Variants in UBE3D observed in about 807,000 individuals in gnomAD.
The protein encoded by UBE3D is ubiquitin protein ligase E3D.
UBE3D carries 48 observed loss-of-function variants against 49.6 expected under a neutral mutation model. The ratio of observed to expected loss-of-function variants is 0.97; its 90% CI spans 0.77 to 1.23. The LOEUF (loss-of-function observed/expected upper bound fraction) is 1.23. UBE3D is among the 50% of genes most tolerant of loss of function. UBE3D has a pLI of 0.00. For synonymous variants in UBE3D, 189 were observed against 174.2 expected (o/e 1.08, Z -0.67); for missense variants, 452 against 468.4 (o/e 0.96, Z 0.32).
intron 9 of UBE3D, among the ~76,000 whole-genome samples, chr6:82,946,098 G>C (rs1775381303): frequency 6.6e-6 from 1 of 152,090 alleles, no homozygotes; most frequent in African/African-American, 2.4e-5. Context: ...TACATTCAAA[G>C]GGATAATAAC....
intron 1 of UBE3D, among the ~76,000 whole-genome samples, chr6:83,065,382 AAGTTT>A (rs1784425135): frequency 6.6e-6 from 1 of 152,176 alleles, no homozygotes; most frequent in Admixed American, 6.5e-5. Context: ...GTTAAAATAT[AAGTTT>A]TGATTCCATA....
intron 9 of UBE3D, among the ~76,000 whole-genome samples, chr6:82,953,866 G>C (rs1416086535): frequency 6.6e-6 from 1 of 152,224 alleles, no homozygotes; most frequent in Non-Finnish European, 1.5e-5. Context: ...AGGGGGGTCA[G>C]GTTGGGCCTC....
chr6:82,976,444 T>C (rs937458425), intron 8 of UBE3D, among the ~76,000 whole-genome samples: 1 of 152,182 alleles, frequency 6.6e-6, no homozygotes, highest in South Asian at 2.1e-4. Flanking sequence ...CAAGTGTACA[T>C]ACAATTTTCC....
At position 83,030,656 on chromosome 6, in the gene UBE3D, T is replaced by A. The variant is rs150276071; in HGVS notation, c.668-6618A>T. Among the ~76,000 whole-genome samples, 362 of 152,254 alleles carry A rather than the reference T, an allele frequency of 2.4e-3. 1 individual carries two copies. Among genetic ancestry groups the A allele is most frequent in the African/African-American group, 8.2e-3 (339 of 41,556 alleles). On this transcript the variant is annotated intron_variant, in intron 5 of 9. Coordinates refer to ENST00000369747, the MANE Select transcript of UBE3D (RefSeq NM_198920.3). ...GGATACTGGAAAATGTGGAAGCGAC[T>A]TTGGAATTTGGGTAACAGGCAGAGG...
At chr6:82,954,764 T>A (rs1355519817) in intron 9 of UBE3D, among the ~76,000 whole-genome samples, 2 of 152,138 alleles carry the variant, frequency 1.3e-5, no homozygotes, top group African/African-American at 4.8e-5. Flanking sequence ...GGTACAAAGA[T>A]GAAAAAGCAG....
intron 9 of UBE3D, among the ~76,000 whole-genome samples, chr6:82,908,200 GA>G (rs1243141598): frequency 6.6e-6 from 1 of 152,178 alleles, no homozygotes; most frequent in African/African-American, 2.4e-5. Context: ...TTAACTGCAA[GA>G]CACCTGAAGG....
At chr6:82,966,259 A>G (rs1429846218) in intron 8 of UBE3D, among the ~76,000 whole-genome samples, 1 of 152,130 alleles carries the variant, frequency 6.6e-6, no homozygotes, top group East Asian at 1.9e-4. Context: ...GGAAGGAGGA[A>G]TGGGGAGTGA....
At chr6:83,038,834 A>C (rs1782449800) in intron 4 of UBE3D, among the ~76,000 whole-genome samples, 1 of 151,766 alleles carries the variant, frequency 6.6e-6, no homozygotes, top group Admixed American at 6.6e-5. Context: ...GACAGGGTTG[A>C]TGACTTGCCC....
chr6:83,038,495 A>C lies in UBE3D; in HGVS notation c.598-10T>G. 6.2e-7 allele frequency: 1 copy of C among 1,601,490 alleles called. No homozygotes were observed. Among genetic ancestry groups the C allele is most frequent in the South Asian group, 1.1e-5 (1 of 87,648 alleles). On this transcript the variant is annotated splice_polypyrimidine_tract_variant and intron_variant, in intron 4 of 9. Transcript: ENST00000369747. ...TATTTGCCTTTGGTTCCTGTAGAAC[A>C]GAAAAATGTCATTTAAATGTCATTC...
At chr6:83,063,790 C>T (rs960979819) in intron 1 of UBE3D, among the ~76,000 whole-genome samples, 1 of 152,106 alleles carries the variant, frequency 6.6e-6, no homozygotes, top group Non-Finnish European at 1.5e-5. Context: ...GTTGAACGTG[C>T]AAACTGGTAC....
At chr6:82,918,401 G>T (rs1220892475) in intron 9 of UBE3D, among the ~76,000 whole-genome samples, 1 of 151,932 alleles carries the variant, frequency 6.6e-6, no homozygotes, top group Admixed American at 6.6e-5. Context: ...TATTATAAAG[G>T]TACAAGGTTT....
chr6:83,045,198 C>A (rs1782948529), intron 3 of UBE3D, among the ~76,000 whole-genome samples: 1 of 152,044 alleles, frequency 6.6e-6, no homozygotes, highest in Non-Finnish European at 1.5e-5. Flanking sequence ...AGATGATAAG[C>A]ACAAACTATA....
intron 8 of UBE3D, among the ~76,000 whole-genome samples, chr6:83,006,251 A>G (rs558778965): frequency 3.3e-5 from 5 of 152,210 alleles, no homozygotes; most frequent in Non-Finnish European, 5.9e-5. Flanking sequence ...AAAAAAAAAA[A>G]GTAGCCAATG....
chr6:82,921,766 G>A (rs183891811), intron 9 of UBE3D, among the ~76,000 whole-genome samples: 14 of 152,216 alleles, frequency 9.2e-5, no homozygotes, highest in Admixed American at 7.2e-4. Context: ...AGGCCTTGAA[G>A]AACCCTCCCA....
chr6:83,007,387 T>A lies in UBE3D; in HGVS notation c.1010+11586A>T, dbSNP rs1011283040. On this transcript the variant is annotated intron_variant, in intron 8 of 9. Coordinates refer to ENST00000369747, the MANE Select transcript of UBE3D (RefSeq NM_198920.3). ...ATACCAATACTAGGACTCATGTAAC[T>A]TACAAAGTGAAGAGAATTCAATTTT... 1.1e-4 allele frequency among the ~76,000 whole-genome samples: 16 copies of A among 152,312 alleles called. No homozygotes were observed. The South Asian group carries it at 1.4e-3, about 14-fold the overall frequency.
intron 9 of UBE3D, among the ~76,000 whole-genome samples, chr6:82,927,552 T>A (rs1447641307): frequency 6.6e-6 from 1 of 152,118 alleles, no homozygotes; most frequent in Admixed American, 6.6e-5. Flanking sequence ...ATCAGAGTTT[T>A]ACAATTTTCT....
chr6:83,037,884 T>C (rs1582711479), intron 5 of UBE3D: 1 of 152,208 alleles, frequency 6.6e-6, no homozygotes, highest in South Asian at 2.1e-4. Flanking sequence ...CGGAATTTTT[T>C]TTCTTCCATT....
intron 9 of UBE3D, chr6:82,925,176 A>G (rs1009155573): frequency 6.6e-6 from 1 of 152,256 alleles, no homozygotes; most frequent in Non-Finnish European, 1.5e-5. Flanking sequence ...TGATACAGAT[A>G]TATCTGTAAG....
chr6:82,907,667 A>G (rs1297815265), intron 9 of UBE3D, among the ~76,000 whole-genome samples: 2 of 152,234 alleles, frequency 1.3e-5, no homozygotes, highest in Non-Finnish European at 2.9e-5. Flanking sequence ...ATAGTTAAAT[A>G]AAAGATTGGC....
Sources: allele counts gnomAD v4.1 joint callset (sites outside exome capture counted in the v4.1 genomes callset), GRCh38; gene constraint gnomAD v4.1.1; transcripts MANE v1.5; gene names NCBI Gene and HGNC (gene_info 2026-07-23, HGNC 2026-07-21).